SEMA3A: variants seen among roughly 807,000 people sequenced by gnomAD.
SEMA3A encodes semaphorin-3A.
A neutral mutation model predicts 97.9 loss-of-function variants in SEMA3A; 29 were observed. The ratio of observed to expected loss-of-function variants is 0.30; its 90% CI spans 0.22 to 0.40. The LOEUF is 0.40. Ranked by LOEUF, SEMA3A falls within the 10% of genes least tolerant of loss-of-function variation. SEMA3A has a pLI of 1.00. For missense variants in SEMA3A, 763 were observed against 951.3 expected (o/e 0.80, Z 2.60); for synonymous variants, 321 against 323.7 (o/e 0.99, Z 0.09).
chr7:84,123,291 C>A (rs1344308024), intron 3 of SEMA3A, among the ~76,000 whole-genome samples: 1 of 152,038 alleles, frequency 6.6e-6, no homozygotes, highest in Non-Finnish European at 1.5e-5. Context: ...CGGTGAATAA[C>A]AGCAGCCAGA....
intron 3 of SEMA3A, among the ~76,000 whole-genome samples, chr7:84,274,086 C>A (rs1406906884): frequency 6.6e-6 from 1 of 151,882 alleles, no homozygotes; most frequent in African/African-American, 2.4e-5. Context: ...ACATAAGAAT[C>A]CATTTATTTA....
At chr7:84,088,264 G>C (rs1027666885) in intron 4 of SEMA3A, among the ~76,000 whole-genome samples, 1 of 151,912 alleles carries the variant, frequency 6.6e-6, no homozygotes, top group Non-Finnish European at 1.5e-5. Flanking sequence ...GACCATCCTG[G>C]CTAACACGGT....
chr7:84,318,699 C>T (rs992239087), intron 2 of SEMA3A, among the ~76,000 whole-genome samples: 4 of 152,092 alleles, frequency 2.6e-5, no homozygotes, highest in South Asian at 4.1e-4. Flanking sequence ...CTTTCCTGTA[C>T]ACTTATATTG....
At chr7:84,108,833 A>G (rs952222063) in intron 4 of SEMA3A, among the ~76,000 whole-genome samples, 1 of 147,714 alleles carries the variant, frequency 6.8e-6, no homozygotes, top group Non-Finnish European at 1.5e-5. Context: ...TGTACCTGGG[A>G]GGCAGAGGTT....
rs1035745143 is a variant in SEMA3A at position 84,055,238 on chromosome 7, G to C, written c.547+5227C>G. Among the ~76,000 whole-genome samples, 728 of 152,224 alleles carry C rather than the reference G, an allele frequency of 4.8e-3. 4 individuals carry two copies. Among genetic ancestry groups the C allele is most frequent in the African/African-American group, 0.015 (643 of 41,512 alleles). On this transcript the variant is annotated intron_variant, in intron 5 of 16. Coordinates refer to ENST00000265362, the MANE Select transcript of SEMA3A (RefSeq NM_006080.3). ...GAGCTGTGGTGGGCTCCACCCAGTT[G>C]GAGCTTCCAGGCTGCTTTGTTTACC...
At chr7:84,251,508 A>C (rs1197934679) in intron 3 of SEMA3A, among the ~76,000 whole-genome samples, 1 of 152,198 alleles carries the variant, frequency 6.6e-6, no homozygotes, top group Admixed American at 6.5e-5. Context: ...GCTAAAGTGA[A>C]GACAGAGAGA....
intron 3 of SEMA3A, among the ~76,000 whole-genome samples, chr7:84,237,631 G>A (rs982120418): frequency 6.6e-6 from 1 of 151,952 alleles, no homozygotes; most frequent in Non-Finnish European, 1.5e-5. Flanking sequence ...GGGAACTGAC[G>A]CATGATGTGA....
At chr7:84,031,119 A>G (rs1418324565) in intron 6 of SEMA3A, among the ~76,000 whole-genome samples, 1 of 150,470 alleles carries the variant, frequency 6.6e-6, no homozygotes, top group Non-Finnish European at 1.5e-5. Context: ...GAGCCTCCTG[A>G]GTAGCTGGGA....
chr7:84,307,231 T>C (rs775754955), exon 3 of SEMA3A: 2 of 152,100 alleles, frequency 1.3e-5, no homozygotes, highest in Non-Finnish European at 2.9e-5. Flanking sequence ...AATTCTTAAT[T>C]CCTGAGATAC....
At chr7:84,407,070 G>C (rs951672639) in intron 1 of SEMA3A, among the ~76,000 whole-genome samples, 3 of 152,122 alleles carry the variant, frequency 2.0e-5, no homozygotes, top group Admixed American at 2.0e-4. Flanking sequence ...GCAGGAGAAG[G>C]AAATAAAGGG....
At chr7:84,110,643 T>G in intron 3 of SEMA3A, 54 bp from the exon 4 acceptor site, 1 of 1,587,774 alleles carries the variant, frequency 6.3e-7, no homozygotes, top group Non-Finnish European at 8.6e-7. Flanking sequence ...GACTGAGGTA[T>G]CCTCTAGGGT....
At chr7:84,069,062 G>A (rs1389887648) in intron 4 of SEMA3A, among the ~76,000 whole-genome samples, 3 of 151,982 alleles carry the variant, frequency 2.0e-5, no homozygotes, top group Non-Finnish European at 4.4e-5. Context: ...AGAATAAATT[G>A]AATTTCCTTT....
At chr7:83,981,209 C>CT in intron 14 of SEMA3A, 112 bp downstream of exon 14, 1 of 1,197,492 alleles carries the variant, frequency 8.4e-7, no homozygotes, top group Non-Finnish European at 1.2e-6. Context: ...GCTCCCAAAT[C>CT]TTTTTATTCA....
chr7:83,988,392 AAT>A (rs1491585667), intron 12 of SEMA3A, among the ~76,000 whole-genome samples: 1 of 151,706 alleles, frequency 6.6e-6, no homozygotes, highest in Non-Finnish European at 1.5e-5. Flanking sequence ...ACGACTGGCT[AAT>A]TTTTTTGTAT....
intron 1 of SEMA3A, among the ~76,000 whole-genome samples, chr7:84,457,272 T>C (rs1206224739): frequency 6.6e-6 from 1 of 151,838 alleles, no homozygotes; most frequent in Non-Finnish European, 1.5e-5. Flanking sequence ...ATACATTCTA[T>C]ATTTCATCAC....
intron 1 of SEMA3A, among the ~76,000 whole-genome samples, chr7:84,463,929 C>T (rs1805928414): frequency 6.6e-6 from 1 of 151,928 alleles, no homozygotes; most frequent in African/African-American, 2.4e-5. Context: ...AGGTCCGTAC[C>T]TGATATATAG....
chr7:84,401,003 A>G (rs1422135912), intron 1 of SEMA3A, among the ~76,000 whole-genome samples: 1 of 151,890 alleles, frequency 6.6e-6, no homozygotes, highest in African/African-American at 2.4e-5. Context: ...TAAATATAGT[A>G]CTAGAAGTCC....
intron 2 of SEMA3A, among the ~76,000 whole-genome samples, chr7:84,133,923 G>T (rs911443437): frequency 2.4e-4 from 36 of 150,532 alleles, no homozygotes; most frequent in African/African-American, 7.6e-4. Context: ...TTAGCCGGGC[G>T]TGGTGGCAGG....
chr7:84,129,594 C>A (rs1795902430), intron 2 of SEMA3A, among the ~76,000 whole-genome samples: 1 of 151,994 alleles, frequency 6.6e-6, no homozygotes, highest in South Asian at 2.1e-4. Context: ...AGTGATTTTG[C>A]AGTTTTAACA....
Sources: gnomAD v4.1 joint callset for allele counts (sites outside exome capture counted in the v4.1 genomes callset) on GRCh38, gnomAD v4.1.1 for gene constraint, MANE v1.5 for transcripts, NCBI Gene and HGNC (gene_info 2026-07-23, HGNC 2026-07-21) for gene names.